Variants in CAST observed in about 807,000 individuals in gnomAD.
The protein encoded by CAST is MIR583 host.
Under a neutral mutation model 119.6 loss-of-function variants are expected in CAST, and 76 were observed. The ratio of observed to expected loss-of-function variants is 0.64; its 90% CI spans 0.53 to 0.77. The LOEUF (loss-of-function observed/expected upper bound fraction) is 0.77. CAST is among the 30% of genes least tolerant of loss of function. The pLI, the probability that CAST is intolerant of heterozygous loss-of-function variation, is 0.00. For synonymous variants in CAST, 319 were observed against 331.6 expected (o/e 0.96, Z 0.41); for missense variants, 953 against 946.5 (o/e 1.01, Z -0.09).
the CAST span, among the ~76,000 whole-genome samples, chr5:96,291,188 T>TG: frequency 9.9e-5 from 15 of 152,208 alleles, no homozygotes; most frequent in African/African-American, 3.6e-4. Flanking sequence ...TGAGCTAAAA[T>TG]GAAAGCTCAC....
At chr5:96,139,604 G>C in the CAST span, among the ~76,000 whole-genome samples, 11 of 150,518 alleles carry the variant, frequency 7.3e-5, no homozygotes, top group Admixed American at 6.0e-4. Context: ...TATTTTTTAT[G>C]AAGAAAGTTG....
At chr5:96,040,332 A>G in the CAST span, among the ~76,000 whole-genome samples, 1 of 152,130 alleles carries the variant, frequency 6.6e-6, no homozygotes, top group African/African-American at 2.4e-5. Context: ...AGACAATTTG[A>G]CTTCCTCTTT....
At chr5:96,085,100 C>T in the CAST span, among the ~76,000 whole-genome samples, 2,122 of 152,274 alleles carry the variant, frequency 0.014, 38 homozygotes, top group African/African-American at 0.048. Flanking sequence ...TCCTACAGCT[C>T]TGATGAAGTC....
At chr5:95,988,811 T>A in the CAST span, among the ~76,000 whole-genome samples, 1 of 152,198 alleles carries the variant, frequency 6.6e-6, no homozygotes, top group Non-Finnish European at 1.5e-5. Context: ...TGACACCCGA[T>A]AAATGCTCAG....
chr5:96,511,085 T>C, the CAST span, among the ~76,000 whole-genome samples: 1 of 152,170 alleles, frequency 6.6e-6, no homozygotes, highest in African/African-American at 2.4e-5. Flanking sequence ...GTGTTTCTCC[T>C]TCATGAGTTA....
chr5:96,316,120 T>G, the CAST span, among the ~76,000 whole-genome samples: 1 of 152,220 alleles, frequency 6.6e-6, no homozygotes, highest in African/African-American at 2.4e-5. Flanking sequence ...AATTTTTGTA[T>G]GGCTTTGTAA....
At chr5:96,342,382 C>T in the CAST span, among the ~76,000 whole-genome samples, 2 of 152,184 alleles carry the variant, frequency 1.3e-5, no homozygotes, top group Non-Finnish European at 2.9e-5. Flanking sequence ...AAACAGAGTG[C>T]TGGGCCCACC....
chr5:96,422,859 G>A, the CAST span, among the ~76,000 whole-genome samples: 1 of 150,188 alleles, frequency 6.7e-6, no homozygotes, highest in African/African-American at 2.5e-5. Context: ...CTTGGCATAG[G>A]TGCATTGTGT....
the CAST span, among the ~76,000 whole-genome samples, chr5:96,322,624 C>A: frequency 5.9e-5 from 9 of 152,298 alleles, no homozygotes; most frequent in East Asian, 1.7e-3. Context: ...CCTTCCCATC[C>A]ACCCAAATGT....
the CAST span, among the ~76,000 whole-genome samples, chr5:96,261,683 G>T: frequency 1.2e-4 from 18 of 152,132 alleles, no homozygotes; most frequent in African/African-American, 4.1e-4. Context: ...TACAAACAAG[G>T]TATGTAATAG....
the CAST span, among the ~76,000 whole-genome samples, chr5:96,203,905 A>G: frequency 6.6e-6 from 1 of 152,092 alleles, no homozygotes; most frequent in Non-Finnish European, 1.5e-5. Flanking sequence ...GAGGTTGAGA[A>G]AACATAATCT....
chr5:96,478,589 G>T, the CAST span, among the ~76,000 whole-genome samples: 2 of 152,166 alleles, frequency 1.3e-5, no homozygotes, highest in Admixed American at 1.3e-4. Context: ...TAATTATTTG[G>T]CTGTGGTTGC....
the CAST span, among the ~76,000 whole-genome samples, chr5:96,044,999 C>T: frequency 3.3e-5 from 5 of 152,124 alleles, no homozygotes; most frequent in South Asian, 2.1e-4. Context: ...TTCTAGAGGT[C>T]TAATAATGTT....
the CAST span, among the ~76,000 whole-genome samples, chr5:96,414,064 G>A: frequency 4.5e-4 from 68 of 149,746 alleles, no homozygotes; most frequent in South Asian, 1.7e-3. Flanking sequence ...GCATGAACCC[G>A]GGAGGCGGAG....
At chr5:96,537,871 C>G (rs919717514) in intron 1 of CAST, among the ~76,000 whole-genome samples, 2 of 152,096 alleles carry the variant, frequency 1.3e-5, no homozygotes, top group African/African-American at 4.8e-5. Flanking sequence ...AGGGGGGGAG[C>G]AAAATTATAT....
the CAST span, among the ~76,000 whole-genome samples, chr5:96,073,129 G>T: frequency 1.3e-5 from 2 of 152,216 alleles, no homozygotes. Context: ...TTTGATGCCA[G>T]ATAATTGCTT....
the CAST span, among the ~76,000 whole-genome samples, chr5:96,105,495 T>C: frequency 6.6e-6 from 1 of 152,344 alleles, no homozygotes; most frequent in South Asian, 2.1e-4. Flanking sequence ...GAGATAATCA[T>C]GCGGTTTTTG....
At chr5:96,388,231 A>G in the CAST span, among the ~76,000 whole-genome samples, 1 of 152,252 alleles carries the variant, frequency 6.6e-6, no homozygotes, top group Non-Finnish European at 1.5e-5. Flanking sequence ...TTTTACTGGT[A>G]CATTAATGAT....
At chr5:96,410,786 G>T in the CAST span, 1 of 1,613,018 alleles carries the variant, frequency 6.2e-7, no homozygotes, top group South Asian at 1.1e-5. Context: ...TTCTCTGGTC[G>T]GTGTAATCTC....
Sources: allele counts gnomAD v4.1 joint callset (sites outside exome capture counted in the v4.1 genomes callset), GRCh38; gene constraint gnomAD v4.1.1; transcripts MANE v1.5; gene names NCBI Gene and HGNC (gene_info 2026-07-23, HGNC 2026-07-21).